MARCHF1: variants seen among roughly 807,000 people sequenced by gnomAD.
The protein encoded by MARCHF1 is membrane associated ring-CH-type finger 1.
MARCHF1 carries 40 observed loss-of-function variants against 54.2 expected under a neutral mutation model. The observed-to-expected ratio is 0.74, with a 90% CI of 0.57 to 0.96. MARCHF1 has a LOEUF of 0.96. Among genes scored for constraint, MARCHF1 ranks in the 40% least tolerant of loss-of-function variants. MARCHF1 has a pLI of 0.00. For synonymous variants in MARCHF1, 236 were observed against 236.3 expected, an observed-to-expected ratio of 1.00 and a Z score of 0.01; for missense variants, 586 against 656.5, an observed-to-expected ratio of 0.89 and a Z score of 1.17.
chr4:163,658,950 A>T (rs1364215729), intron 5 of MARCHF1, among the ~76,000 whole-genome samples: 1 of 151,954 alleles, frequency 6.6e-6, no homozygotes, highest in Non-Finnish European at 1.5e-5. Flanking sequence ...TGGAACTTAA[A>T]ATAAAAAGGA....
intron 4 of MARCHF1, among the ~76,000 whole-genome samples, chr4:163,832,235 C>A (rs1874094): frequency 6.6e-6 from 1 of 151,906 alleles, no homozygotes; most frequent in South Asian, 2.1e-4. Context: ...ATATAGAATA[C>A]GTGCAGATTC....
intron 1 of MARCHF1, among the ~76,000 whole-genome samples, chr4:164,303,361 C>T (rs1734614570): frequency 6.6e-6 from 1 of 152,090 alleles, no homozygotes; most frequent in East Asian, 1.9e-4. Flanking sequence ...AAATGAAAAA[C>T]TCATTTGTGG....
intron 5 of MARCHF1, among the ~76,000 whole-genome samples, chr4:163,619,087 A>T (rs929014446): frequency 2.6e-5 from 4 of 152,158 alleles, no homozygotes; most frequent in African/African-American, 9.7e-5. Flanking sequence ...TGGGAGAAAG[A>T]TGTTGAGTGA....
At chr4:164,367,005 T>C (rs1271267022) in intron 1 of MARCHF1, among the ~76,000 whole-genome samples, 3 of 152,104 alleles carry the variant, frequency 2.0e-5, no homozygotes, top group Non-Finnish European at 4.4e-5. Context: ...CCTAAGTTTC[T>C]TCCATTCTTT....
At chr4:163,676,555 GC>G (rs760808633) in intron 5 of MARCHF1, among the ~76,000 whole-genome samples, 1 of 152,034 alleles carries the variant, frequency 6.6e-6, no homozygotes, top group Non-Finnish European at 1.5e-5. Flanking sequence ...AAGGCCAGCT[GC>G]GGCAACATAG....
chr4:164,280,856 G>A (rs573437870), intron 1 of MARCHF1, among the ~76,000 whole-genome samples: 102 of 152,128 alleles, frequency 6.7e-4, no homozygotes, highest in African/African-American at 2.1e-3. Context: ...TTCCAGGTAG[G>A]TAGATATTAG....
chr4:163,805,710 T>C (rs574564235), intron 4 of MARCHF1, among the ~76,000 whole-genome samples: 7 of 152,306 alleles, frequency 4.6e-5, no homozygotes, highest in South Asian at 2.1e-4. Flanking sequence ...ATTGCCTCTT[T>C]AAAAATGCAG....
At chr4:164,026,550 A>G (rs1045900924) in intron 2 of MARCHF1, among the ~76,000 whole-genome samples, 3 of 152,166 alleles carry the variant, frequency 2.0e-5, no homozygotes, top group Non-Finnish European at 4.4e-5. Context: ...CCTTCATCAT[A>G]AAAACCCTCA....
At chr4:164,182,396 T>C (rs75720539) in intron 1 of MARCHF1, among the ~76,000 whole-genome samples, 22,150 of 151,880 alleles carry the variant, frequency 0.15, 2,155 homozygotes, top group African/African-American at 0.26. Flanking sequence ...TTGTACAGAA[T>C]GCATTTTCTA....
intron 4 of MARCHF1, among the ~76,000 whole-genome samples, chr4:163,724,386 G>A (rs534518479): frequency 6.6e-6 from 1 of 152,330 alleles, no homozygotes; most frequent in African/African-American, 2.4e-5. Context: ...TCTCAGAGGG[G>A]GACCCGGCTG....
At chr4:163,536,075 C>T (rs1738521167) in intron 9 of MARCHF1, among the ~76,000 whole-genome samples, 1 of 152,162 alleles carries the variant, frequency 6.6e-6, no homozygotes, top group Non-Finnish European at 1.5e-5. Context: ...TAACTTACGT[C>T]TCTTTATTGG....
chr4:163,741,788 T>C (rs1746203902), intron 4 of MARCHF1, among the ~76,000 whole-genome samples: 1 of 152,160 alleles, frequency 6.6e-6, no homozygotes, highest in African/African-American at 2.4e-5. Flanking sequence ...CTGTTCTCTC[T>C]TCTTCAAGCT....
chr4:163,997,407 A>T (rs1164471957), intron 2 of MARCHF1, among the ~76,000 whole-genome samples: 1 of 152,026 alleles, frequency 6.6e-6, no homozygotes, highest in African/African-American at 2.4e-5. Context: ...CTGAGTCAGT[A>T]TAAGAAAGAT....
intron 8 of MARCHF1, among the ~76,000 whole-genome samples, chr4:163,560,336 A>G (rs1261536998): frequency 1.3e-5 from 2 of 152,150 alleles, no homozygotes; most frequent in Non-Finnish European, 2.9e-5. Flanking sequence ...AGTTGACTGT[A>G]TATGTGTGGC....
At chr4:164,056,141 T>A (rs1754483971) in intron 2 of MARCHF1, among the ~76,000 whole-genome samples, 1 of 152,184 alleles carries the variant, frequency 6.6e-6, no homozygotes, top group Non-Finnish European at 1.5e-5. Context: ...CGTTTTCTAG[T>A]GCAATGATGC....
At chr4:164,007,539 C>A (rs1249472096) in intron 2 of MARCHF1, among the ~76,000 whole-genome samples, 1 of 150,958 alleles carries the variant, frequency 6.6e-6, no homozygotes, top group African/African-American at 2.4e-5. Context: ...GCTATAGCAA[C>A]AACTAAAGAG....
At chr4:164,255,927 C>A (rs1447268771) in intron 1 of MARCHF1, among the ~76,000 whole-genome samples, 1 of 151,862 alleles carries the variant, frequency 6.6e-6, no homozygotes, top group Non-Finnish European at 1.5e-5. Flanking sequence ...AAAGAATAAA[C>A]CTTCTAATCA....
chr4:163,742,175 C>G (rs1746215784), intron 4 of MARCHF1, among the ~76,000 whole-genome samples: 1 of 152,134 alleles, frequency 6.6e-6, no homozygotes, highest in Admixed American at 6.5e-5. Context: ...ACTCCATGAT[C>G]TTCTACCACA....
At chr4:163,655,148 A>G (rs1438344338) in intron 5 of MARCHF1, among the ~76,000 whole-genome samples, 1 of 151,674 alleles carries the variant, frequency 6.6e-6, no homozygotes, top group East Asian at 1.9e-4. Context: ...TAGCATTTCA[A>G]ATACCTTAAT....
Sources: gnomAD v4.1 joint callset for allele counts (sites outside exome capture counted in the v4.1 genomes callset) on GRCh38, gnomAD v4.1.1 for gene constraint, MANE v1.5 for transcripts, NCBI Gene and HGNC (gene_info 2026-07-23, HGNC 2026-07-21) for gene names.